The following PAX2 variants were observed in gnomAD, a reference collection of about 807,000 sequenced individuals.
PAX2 encodes paired box 2.
PAX2 carries 9 observed loss-of-function variants against 41.7 expected under a neutral mutation model. The ratio of observed to expected loss-of-function variants is 0.22; its 90% CI spans 0.13 to 0.38. PAX2 has a LOEUF of 0.38. Ranked by LOEUF, PAX2 falls within the 10% of genes least tolerant of loss-of-function variation. The pLI is 1.00. For missense variants in PAX2, 418 were observed against 531.6 expected (o/e 0.79, Z 2.10); for synonymous variants, 221 against 212.7 (o/e 1.04, Z -0.34).
Position 100,746,316 on chromosome 10 carries a change from GC to G in PAX2, c.43+16del. On this transcript the variant is annotated intron_variant, in intron 1 of 9. Coordinates refer to ENST00000355243, the MANE Select transcript of PAX2 (RefSeq NM_000278.5). ...TCCGCGATGCACCGTGAGTACCGGC[GC>G]CCGGCTCCTGTCCCGGCTCGGGGCT... The G allele has an allele frequency of 6.4e-7, 1 of 1,551,354 alleles. No individual in the cohort carries two copies. The highest frequency in any genetic ancestry group is 2.2e-5 in the East Asian group (1 of 44,564).
In PAX2 at chr10:100,791,560, C is replaced by T. The variant is rs1193988448; in HGVS notation, c.616+10195C>T. 1.3e-5 allele frequency among the ~76,000 whole-genome samples: 2 copies of T among 152,192 alleles called. No homozygotes were observed. Among genetic ancestry groups the T allele is most frequent in the African/African-American group, 4.8e-5 (2 of 41,452 alleles). ...AGAGCTGGATTCCATCCAACAGCCT[C>T]CCAGAGCCTGCCAAACAGCTCCTGA... is the stretch of plus-strand genomic sequence containing the variant. On this transcript the variant is annotated intron_variant, in intron 5 of 9. Transcript: ENST00000355243. The surrounding 1 kb of genome is among the most constrained non-coding windows in gnomAD (Gnocchi z 4.5).
chr10:100,808,339 G>T (rs980408396), intron 6 of PAX2, among the ~76,000 whole-genome samples: 1 of 152,076 alleles, frequency 6.6e-6, no homozygotes, highest in African/African-American at 2.4e-5. Context: ...GGGTACTCTA[G>T]GGGGGCCAGG....
Position 100,805,023 on chromosome 10 carries a change from T to TAC in PAX2, c.617-1356_617-1355dup, listed in dbSNP as rs3978747. On this transcript the variant is annotated intron_variant, in intron 5 of 9. Coordinates refer to ENST00000355243, the MANE Select transcript of PAX2 (RefSeq NM_000278.5). ...CTTCTCTCTCTCTCTCTCTCTCACA[T>TAC]ACACACACACACACACACACACACA... is the stretch of plus-strand genomic sequence containing the variant. 7.5e-3 allele frequency among the ~76,000 whole-genome samples: 715 copies of TAC among 94,972 alleles called. 4 individuals carry two copies. The highest frequency in any genetic ancestry group is 0.011 in the Middle Eastern group (2 of 190). 62.3% of individuals were successfully genotyped at this position (94,972 alleles called of 152,430 possible).
rs530997720 is a variant in PAX2 at position 100,806,565 on chromosome 10, C to T, written c.752C>T (p.Pro251Leu). Residue 251 changes from proline to leucine, a missense_variant, in exon 6 of 10, where the codon CCT becomes CTT. Coordinates refer to ENST00000355243, the MANE Select transcript of PAX2 (RefSeq NM_000278.5). Reference protein sequence around the residue: ...LDRVFERPSYPDVFQASEHIK... With the variant: ...LDRVFERPSYLDVFQASEHIK... ...CGGGTCTTTGAGCGTCCTTCCTACC[C>T]TGACGTCTTCCAGGCATCAGAGCAC... 2.5e-6 allele frequency: 4 copies of T among 1,614,198 alleles called. 1 individual carries two copies. The South Asian group carries it at 4.4e-5, about 18-fold the overall frequency.
chr10:100,807,080 C>G (rs1355642228), intron 6 of PAX2, among the ~76,000 whole-genome samples: 1 of 152,106 alleles, frequency 6.6e-6, no homozygotes, highest in African/African-American at 2.4e-5. Flanking sequence ...TGCCTGCCTC[C>G]TGCTCCCCAA....
intron 7 of PAX2, among the ~76,000 whole-genome samples, chr10:100,813,618 C>T (rs957766486): frequency 2.0e-5 from 3 of 152,104 alleles, no homozygotes; most frequent in Admixed American, 1.3e-4. Flanking sequence ...CACATACACT[C>T]GTCTGAGTAG....
chr10:100,807,087 C>T (rs1193915993), intron 6 of PAX2, among the ~76,000 whole-genome samples: 1 of 152,112 alleles, frequency 6.6e-6, no homozygotes, highest in Non-Finnish European at 1.5e-5. Flanking sequence ...CTCCTGCTCC[C>T]CAAGCCAGCA....
intron 3 of PAX2, among the ~76,000 whole-genome samples, chr10:100,768,095 G>A (rs764066796): frequency 4.7e-5 from 7 of 149,960 alleles, no homozygotes; most frequent in Non-Finnish European, 5.9e-5. Flanking sequence ...ATAAAAACAC[G>A]ATTGTGATGT....
chr10:100,736,871 G>C (rs1392741242), intron 1 of PAX2, among the ~76,000 whole-genome samples: 1 of 152,136 alleles, frequency 6.6e-6, no homozygotes, highest in East Asian at 1.9e-4. Flanking sequence ...AATTAAAAGC[G>C]AGTACAAAAT....
intron 7 of PAX2, among the ~76,000 whole-genome samples, chr10:100,816,401 C>A (rs867390360): frequency 6.6e-6 from 1 of 152,160 alleles, no homozygotes; most frequent in Non-Finnish European, 1.5e-5. Context: ...CTTTTTAGTC[C>A]GTTATTTGGT....
At chr10:100,785,242 C>G (rs1413228266) in intron 5 of PAX2, among the ~76,000 whole-genome samples, 1 of 152,206 alleles carries the variant, frequency 6.6e-6, no homozygotes, top group African/African-American at 2.4e-5. Flanking sequence ...TCGCCTTTAC[C>G]CAGTTGCTTT....
chr10:100,819,551 C>T (rs563880495), intron 7 of PAX2, among the ~76,000 whole-genome samples: 3 of 152,116 alleles, frequency 2.0e-5, no homozygotes, highest in African/African-American at 4.8e-5. Context: ...GCCTGGGTGA[C>T]GAGAGCGAGA....
intron 7 of PAX2, among the ~76,000 whole-genome samples, chr10:100,812,618 T>C (rs1242155321): frequency 6.6e-6 from 1 of 152,206 alleles, no homozygotes; most frequent in East Asian, 1.9e-4. Context: ...GCTTCATTCC[T>C]TAAAGTCTCC....
At chr10:100,753,854 A>G (rs776582167) in intron 3 of PAX2, among the ~76,000 whole-genome samples, 3 of 152,244 alleles carry the variant, frequency 2.0e-5, no homozygotes, top group Non-Finnish European at 4.4e-5. Flanking sequence ...TGTATTCTCC[A>G]CTAGCAAATC....
chr10:100,772,753 G>A (rs1846259865), intron 3 of PAX2, among the ~76,000 whole-genome samples: 2 of 152,226 alleles, frequency 1.3e-5, no homozygotes, highest in African/African-American at 4.8e-5. Flanking sequence ...TTGCTCCTAA[G>A]AGCAGCCTGC....
Position 100,745,734 on chromosome 10 carries a change from C to G in PAX2, c.-527C>G. The G allele has an allele frequency of 2.9e-6, 3 of 1,038,876 alleles. No homozygotes were observed. The highest frequency in any genetic ancestry group is 3.5e-6 in the Non-Finnish European group (3 of 862,952). The allele number at this position is 1,038,876 out of a possible 1,614,324, so 64.4% of individuals were successfully genotyped here. ...GGCGGGGGCCTGGCCCGCGCGCTCC[C>G]CTCCCGCAGGCGCCACCTCGGACAT... On this transcript the variant is annotated 5_prime_UTR_variant, in exon 1 of 10. Transcript: ENST00000355243.
upstream of PAX2, among the ~76,000 whole-genome samples, chr10:100,741,630 G>T (rs1443728561): frequency 2.0e-5 from 3 of 152,134 alleles, no homozygotes. Flanking sequence ...AGTGAGCCTC[G>T]GTTGGTCGGC....
chr10:100,747,444 T>C (rs937368739), intron 1 of PAX2: 6 of 177,928 alleles, frequency 3.4e-5, no homozygotes, highest in African/African-American at 9.6e-5. Flanking sequence ...GCCATGTCTT[T>C]AGCTTGAAAA....
intron 1 of PAX2, chr10:100,749,096 T>G: frequency 1.0e-6 from 1 of 985,516 alleles, no homozygotes; most frequent in Non-Finnish European, 1.2e-6. Context: ...ACGGTCCCCC[T>G]ACAGATAAAT....
Sources: allele counts gnomAD v4.1 joint callset (sites outside exome capture counted in the v4.1 genomes callset), GRCh38; gene constraint gnomAD v4.1.1; non-coding constraint Gnocchi (gnomAD v3.1); transcripts MANE v1.5; gene names NCBI Gene and HGNC (gene_info 2026-07-23, HGNC 2026-07-21).